Variants in NETO2 observed in about 807,000 individuals in gnomAD.
The protein encoded by NETO2 is neuropilin and tolloid-like protein 2.
A neutral mutation model predicts 62.5 loss-of-function variants in NETO2; 28 were observed. That is an observed-to-expected ratio of 0.45 (90% CI 0.33 to 0.61). NETO2 has a LOEUF of 0.61. Among genes scored for constraint, NETO2 ranks in the 20% least tolerant of loss-of-function variants. The probability of loss-of-function intolerance (pLI) is 0.02; values close to 1 mark genes in which losing one functional copy is unlikely to be tolerated. For synonymous variants in NETO2, 214 were observed against 219.1 expected (o/e 0.98, Z 0.21); for missense variants, 548 against 643.2 (o/e 0.85, Z 1.60).
intron 7 of NETO2, among the ~76,000 whole-genome samples, chr16:47,098,880 C>CT (rs1009286970): frequency 3.3e-5 from 5 of 151,702 alleles, no homozygotes; most frequent in Non-Finnish European, 5.9e-5. Flanking sequence ...ATGCAACATT[C>CT]TTTTTTTTTG....
intron 2 of NETO2, among the ~76,000 whole-genome samples, 189 bp from the exon 3 acceptor site, chr16:47,129,553 G>A (rs1407522137): frequency 6.6e-6 from 1 of 152,204 alleles, no homozygotes; most frequent in Non-Finnish European, 1.5e-5. Context: ...CTTGCTGGGA[G>A]AGGACAAGTT....
chr16:47,102,458 A>G (rs1447331235), intron 7 of NETO2, among the ~76,000 whole-genome samples: 1 of 152,182 alleles, frequency 6.6e-6, no homozygotes, highest in African/African-American at 2.4e-5. Flanking sequence ...TAAACTAAAG[A>G]GCTTCTGCAC....
intron 6 of NETO2, among the ~76,000 whole-genome samples, chr16:47,119,219 T>C (rs1230945864): frequency 6.6e-6 from 1 of 151,550 alleles, no homozygotes; most frequent in East Asian, 1.9e-4. Flanking sequence ...TGGCGTGATC[T>C]CAGCTCACTG....
chr16:47,103,015 T>C (rs540087077), intron 7 of NETO2, among the ~76,000 whole-genome samples: 4 of 152,236 alleles, frequency 2.6e-5, no homozygotes, highest in Admixed American at 1.3e-4. Flanking sequence ...GCACTATTCA[T>C]AATAGCAAAG....
intron 1 of NETO2, among the ~76,000 whole-genome samples, chr16:47,134,054 G>C (rs1041364858): frequency 7.9e-5 from 12 of 152,134 alleles, no homozygotes; most frequent in African/African-American, 2.9e-4. Flanking sequence ...CAGGTGTAGA[G>C]TCAAGTGCAA....
chr16:47,115,557 T>A (rs891121778), intron 6 of NETO2, among the ~76,000 whole-genome samples: 2 of 150,976 alleles, frequency 1.3e-5, no homozygotes, highest in East Asian at 3.9e-4. Context: ...AGACAGGGTC[T>A]CAGTTTGTTG....
chr16:47,119,529 G>C (rs1004364139), intron 6 of NETO2, among the ~76,000 whole-genome samples: 7 of 151,696 alleles, frequency 4.6e-5, no homozygotes, highest in African/African-American at 1.7e-4. Flanking sequence ...CCGATGTCAG[G>C]CCTCACTGAT....
chr16:47,143,760 T>G lies in NETO2; in HGVS notation c.-148A>C. 3 of 1,075,606 alleles carry G rather than the reference T, an allele frequency of 2.8e-6. No homozygotes were observed. The African/African-American group carries it at 4.9e-5, about 18-fold the overall frequency. 66.6% of individuals were successfully genotyped at this position (1,075,606 alleles called of 1,614,324 possible). On this transcript the variant is annotated 5_prime_UTR_variant, in exon 1 of 9. Coordinates refer to ENST00000562435, the MANE Select transcript of NETO2 (RefSeq NM_018092.5). ...CCCGCTCCCCTGAGGAGAGCTCAGG[T>G]CCTGCGGCCCGCCATGCCCGAGCCC...
At chr16:47,091,403 A>G (rs1963310729) in intron 7 of NETO2, among the ~76,000 whole-genome samples, 1 of 152,230 alleles carries the variant, frequency 6.6e-6, no homozygotes, top group Non-Finnish European at 1.5e-5. Context: ...CACATTAGAG[A>G]AGAATTTCTC....
chr16:47,128,973 A>G (rs1444947511), intron 3 of NETO2, among the ~76,000 whole-genome samples: 1 of 152,254 alleles, frequency 6.6e-6, no homozygotes, highest in Non-Finnish European at 1.5e-5. Context: ...GTTTCTTATC[A>G]GAGAAAGAAG....
rs1319831376 is a variant in NETO2 at position 47,083,507 on chromosome 16, G to A, written c.1292C>T (p.Ala431Val). 1.2e-6 allele frequency: 2 copies of A among 1,614,096 alleles called. No homozygotes were observed. Among genetic ancestry groups the A allele is most frequent in the East Asian group, 2.2e-5 (1 of 44,890 alleles). ...NYQKMRRSSTASRCIHDHHCG... is the reference protein window; with the variant it reads ...NYQKMRRSSTVSRCIHDHHCG... ...GTGGTGGTCGTGGATGCAGCGGGAG[G>A]CGGTGGAGGAGCGCCGCATCTTCTG... The change falls in exon 9 of 9, where the codon GCC becomes GTC. Residue 431 changes from alanine to valine, a missense_variant. Transcript: ENST00000562435.
chr16:47,083,144 G>T lies in NETO2; in HGVS notation c.*77C>A. On this transcript the variant is annotated 3_prime_UTR_variant, in exon 9 of 9. Transcript: ENST00000562435. ...TAGTTGTGATGGGAGAAAAGGGTTG[G>T]CTGCTGGAAACAGTATGGTGCCCTG... 1 of 1,299,814 alleles carries T rather than the reference G, an allele frequency of 7.7e-7. No homozygotes were observed. The highest frequency in any genetic ancestry group is 1.1e-6 in the Non-Finnish European group (1 of 935,380). 80.5% of individuals were successfully genotyped at this position (1,299,814 alleles called of 1,614,324 possible).
At position 47,079,824 on chromosome 16, in the gene NETO2, T is replaced by G. The variant is rs1963031051; in HGVS notation, c.*3397A>C. The G allele has an allele frequency of 6.6e-6, 1 of 152,220 alleles. No individual in the cohort carries two copies. The highest frequency in any genetic ancestry group is 1.5e-5 in the Non-Finnish European group (1 of 68,048). 9.4% of individuals were successfully genotyped at this position (152,220 alleles called of 1,614,324 possible). A position where few individuals can be genotyped will look rare whatever the true frequency, so the allele number is the denominator to read the frequency against. ...TTGCAATAAAGTGACATGAACAATA[T>G]ATAGCAGACCCCATTTTGCAATAAG... On this transcript the variant is annotated 3_prime_UTR_variant, in exon 9 of 9. Transcript: ENST00000562435.
At chr16:47,122,414 A>T (rs1292034884) in intron 6 of NETO2, among the ~76,000 whole-genome samples, 4 of 152,206 alleles carry the variant, frequency 2.6e-5, no homozygotes, top group Non-Finnish European at 5.9e-5. Flanking sequence ...ATCTTTTATA[A>T]TTGAGAATCT....
At chr16:47,136,678 T>C (rs1964366629) in intron 1 of NETO2, among the ~76,000 whole-genome samples, 3 of 152,136 alleles carry the variant, frequency 2.0e-5, no homozygotes, top group Admixed American at 2.0e-4. Flanking sequence ...AGTGCTGAGA[T>C]TACAGGCATG....
At chr16:47,136,777 G>T (rs1964368516) in intron 1 of NETO2, among the ~76,000 whole-genome samples, 1 of 151,860 alleles carries the variant, frequency 6.6e-6, no homozygotes, top group South Asian at 2.1e-4. Flanking sequence ...AATGGTTCTG[G>T]GATAACATAT....
In NETO2 at chr16:47,082,691, T is replaced by C. The variant is rs1455987546; in HGVS notation, c.*530A>G. ...AATTGGCACAGTAACTAGCTGTATT[T>C]TGACACACTCAAGAACAAATGCCTA... On this transcript the variant is annotated 3_prime_UTR_variant, in exon 9 of 9. Transcript: ENST00000562435. 1 of 152,302 alleles carries C rather than the reference T, an allele frequency of 6.6e-6. No homozygotes were observed. Among genetic ancestry groups the C allele is most frequent in the Non-Finnish European group, 1.5e-5 (1 of 68,140 alleles). 9.4% of individuals were successfully genotyped at this position (152,302 alleles called of 1,614,324 possible). A position where few individuals can be genotyped will look rare whatever the true frequency, so the allele number is the denominator to read the frequency against.
At chr16:47,132,313 AC>A (rs1964282711) in intron 1 of NETO2, among the ~76,000 whole-genome samples, 1 of 152,004 alleles carries the variant, frequency 6.6e-6, no homozygotes, top group East Asian at 1.9e-4. Flanking sequence ...AAAAAAAAAA[AC>A]ACTTGTTTTT....
At chr16:47,140,330 ATAAT>A (rs1177111895) in intron 1 of NETO2, among the ~76,000 whole-genome samples, 1 of 152,214 alleles carries the variant, frequency 6.6e-6, no homozygotes. Context: ...CTAAGTATAA[ATAAT>A]TATTCTACAG....
Sources: allele counts gnomAD v4.1 joint callset (sites outside exome capture counted in the v4.1 genomes callset), GRCh38; gene constraint gnomAD v4.1.1; transcripts MANE v1.5; gene names NCBI Gene and HGNC (gene_info 2026-07-23, HGNC 2026-07-21).